TMEM232: variants seen among roughly 807,000 people sequenced by gnomAD.
TMEM232 encodes the protein transmembrane protein 232.
A neutral mutation model predicts 78.8 loss-of-function variants in TMEM232; 80 were observed. The observed-to-expected ratio is 1.01, with a 90% CI of 0.85 to 1.22. The LOEUF is 1.22. TMEM232 is among the 50% of genes most tolerant of loss of function. TMEM232 has a pLI of 0.00. For missense variants in TMEM232, 881 were observed against 742.2 expected (o/e 1.19, Z -2.17); for synonymous variants, 297 against 254.3 (o/e 1.17, Z -1.60).
chr5:110,643,047 T>C (rs1031153620), intron 2 of TMEM232, among the ~76,000 whole-genome samples: 8 of 152,072 alleles, frequency 5.3e-5, no homozygotes, highest in Admixed American at 2.0e-4. Flanking sequence ...GATTACAGAA[T>C]ATAAATAAGG....
chr5:110,422,132 A>G (rs889651702), intron 13 of TMEM232, among the ~76,000 whole-genome samples: 2 of 152,160 alleles, frequency 1.3e-5, no homozygotes, highest in African/African-American at 4.8e-5. Context: ...AAAATTACCA[A>G]TTTTATTAGC....
chr5:110,418,571 T>A (rs937248707), downstream of TMEM232, among the ~76,000 whole-genome samples: 1 of 152,102 alleles, frequency 6.6e-6, no homozygotes, highest in African/African-American at 2.4e-5. Flanking sequence ...ATATAAATAT[T>A]TTTTTAGCTC....
chr5:110,439,622 G>A (rs1224053271), intron 12 of TMEM232, among the ~76,000 whole-genome samples: 1 of 151,976 alleles, frequency 6.6e-6, no homozygotes, highest in Non-Finnish European at 1.5e-5. Context: ...TTTTGATCTG[G>A]TGGTTTCCAT....
intron 13 of TMEM232, among the ~76,000 whole-genome samples, chr5:110,421,546 G>A (rs1756649421): frequency 6.6e-6 from 1 of 151,864 alleles, no homozygotes; most frequent in Non-Finnish European, 1.5e-5. Context: ...CTCCTAGTAT[G>A]CAATATTGGA....
At chr5:110,540,770 A>C (rs1773008856) in intron 11 of TMEM232, among the ~76,000 whole-genome samples, 1 of 152,304 alleles carries the variant, frequency 6.6e-6, no homozygotes, top group Non-Finnish European at 1.5e-5. Flanking sequence ...CAAGGTAAAA[A>C]GCTTAACATC....
chr5:110,406,409 A>G (rs1755795958), intron 2 of TMEM232, among the ~76,000 whole-genome samples: 1 of 152,070 alleles, frequency 6.6e-6, no homozygotes, highest in Admixed American at 6.6e-5. Flanking sequence ...AATAAAGATT[A>G]GAGTCCAGAT....
chr5:110,499,082 G>A (rs906936598), intron 12 of TMEM232, among the ~76,000 whole-genome samples: 16 of 151,866 alleles, frequency 1.1e-4, no homozygotes, highest in African/African-American at 3.9e-4. Flanking sequence ...AAAAAGGGGG[G>A]CAATAAAGAA....
chr5:110,598,136 C>G (rs201161195), intron 10 of TMEM232, among the ~76,000 whole-genome samples: 2,064 of 152,010 alleles, frequency 0.014, 46 homozygotes, highest in African/African-American at 0.046. Context: ...CTAATATCCA[C>G]AATCTACAAT....
At chr5:110,575,302 C>T (rs1014036421) in intron 10 of TMEM232, among the ~76,000 whole-genome samples, 1 of 151,844 alleles carries the variant, frequency 6.6e-6, no homozygotes, top group Non-Finnish European at 1.5e-5. Flanking sequence ...GTATTATATG[C>T]CCATATTTTG....
chr5:110,414,441 A>G (rs947549673), intron 2 of TMEM232, among the ~76,000 whole-genome samples: 2 of 152,200 alleles, frequency 1.3e-5, no homozygotes, highest in African/African-American at 4.8e-5. Flanking sequence ...CTCTAATTCT[A>G]TCTCTATCTA....
intron 2 of TMEM232, among the ~76,000 whole-genome samples, chr5:110,404,879 G>A (rs973362361): frequency 6.6e-6 from 1 of 151,928 alleles, no homozygotes; most frequent in African/African-American, 2.4e-5. Context: ...ACTCGGCAGG[G>A]TTAAAAAGAA....
At chr5:110,388,326 C>CA (rs1755057449) in intron 4 of TMEM232, among the ~76,000 whole-genome samples, 1 of 151,702 alleles carries the variant, frequency 6.6e-6, no homozygotes, top group South Asian at 2.1e-4. Flanking sequence ...ACGCGGCTGG[C>CA]AAAAAAGAGA....
intron 11 of TMEM232, among the ~76,000 whole-genome samples, chr5:110,537,743 C>G (rs1239036170): frequency 6.6e-6 from 1 of 152,212 alleles, no homozygotes; most frequent in Non-Finnish European, 1.5e-5. Context: ...GGGGCCAGTC[C>G]TAGTGCAGGT....
intron 1 of TMEM232, among the ~76,000 whole-genome samples, chr5:110,721,669 G>GTATATATATATATATATACATATATA (rs749643657): frequency 4.2e-5 from 1 of 23,804 alleles, no homozygotes; most frequent in Non-Finnish European, 1.3e-4. Flanking sequence ...GTGTGTGTGT[G>GTATATATATATATATATACATATATA]TGTGTATATA....
chr5:110,587,691 A>ATATATATATATGTG (rs1209205049), intron 10 of TMEM232, among the ~76,000 whole-genome samples: 6 of 63,122 alleles, frequency 9.5e-5, no homozygotes, highest in African/African-American at 2.9e-4. Context: ...ATATATATAT[A>ATATATATATATGTG]TGTGTGTGTG....
At chr5:110,725,563 T>C (rs569484267) in intron 1 of TMEM232, 1 of 152,168 alleles carries the variant, frequency 6.6e-6, no homozygotes, top group Admixed American at 6.5e-5. Context: ...CCATGCAGAA[T>C]AGGTCTTAGT....
intron 12 of TMEM232, among the ~76,000 whole-genome samples, chr5:110,469,532 G>T (rs997863495): frequency 6.6e-6 from 1 of 152,190 alleles, no homozygotes; most frequent in Admixed American, 6.5e-5. Context: ...AGCCACTGCT[G>T]CACTCTGAAC....
At chr5:110,434,138 A>T (rs1758156414) in intron 12 of TMEM232, among the ~76,000 whole-genome samples, 2 of 150,546 alleles carry the variant, frequency 1.3e-5, no homozygotes, top group African/African-American at 4.9e-5. Flanking sequence ...TGAAATTGAG[A>T]CCCCCCCAAA....
intron 12 of TMEM232, among the ~76,000 whole-genome samples, chr5:110,519,055 CAG>C (rs1436439498): frequency 6.6e-6 from 1 of 151,874 alleles, no homozygotes; most frequent in Non-Finnish European, 1.5e-5. Context: ...AATACAGAAA[CAG>C]AAATAATTAC....
Sources: allele counts gnomAD v4.1 joint callset (sites outside exome capture counted in the v4.1 genomes callset), GRCh38; gene constraint gnomAD v4.1.1; transcripts MANE v1.5; gene names NCBI Gene and HGNC (gene_info 2026-07-23, HGNC 2026-07-21).